The following BUB1B variants were observed in gnomAD, a reference collection of about 807,000 sequenced individuals.
BUB1B encodes mitotic checkpoint serine/threonine-protein kinase BUB1 beta.
A neutral mutation model predicts 137.7 loss-of-function variants in BUB1B; 86 were observed. The ratio of observed to expected loss-of-function variants is 0.62; its 90% CI spans 0.52 to 0.75. The LOEUF is 0.75. Ranked by LOEUF, BUB1B falls within the 30% of genes least tolerant of loss-of-function variation. BUB1B has a pLI of 0.00. For synonymous variants in BUB1B, 420 were observed against 417.9 expected (o/e 1.00, Z -0.06); for missense variants, 1,130 against 1,236.9 (o/e 0.91, Z 1.30).
intron 20 of BUB1B, among the ~76,000 whole-genome samples, 192 bp downstream of exon 20, chr15:40,213,666 G>A (rs1241431023): frequency 3.9e-5 from 6 of 152,006 alleles, no homozygotes; most frequent in Admixed American, 3.9e-4. Context: ...CTTGCTAGTA[G>A]CTGGGACCAC....
chr15:40,180,608 G>A (rs938247509), intron 5 of BUB1B, among the ~76,000 whole-genome samples: 2 of 135,540 alleles, frequency 1.5e-5, no homozygotes, highest in Non-Finnish European at 3.2e-5. Flanking sequence ...TTATCCCACT[G>A]TCTTCTGGCC....
intron 16 of BUB1B, among the ~76,000 whole-genome samples, chr15:40,209,381 G>A (rs2140906019): frequency 6.6e-6 from 1 of 152,322 alleles, no homozygotes; most frequent in Non-Finnish European, 1.5e-5. Context: ...CCGAGATGGC[G>A]CCACTGCACT....
At position 40,209,718 on chromosome 15, in the gene BUB1B, T is replaced by C. The variant is rs1566827547; in HGVS notation, c.2227T>C (p.Leu743=). The stretch of plus-strand genomic sequence containing the variant: ...ACCAGAGTTAAGTGCCTCTGCAGAG[T>C]TGTGTATAGAAGACAGACCAATGCC... ...SLPELSASAE[L]CIEDRPMPKL... Residue 743 remains leucine, a synonymous_variant, in exon 17 of 23, where the codon TTG becomes CTG. Coordinates refer to ENST00000287598, the MANE Select transcript of BUB1B (RefSeq NM_001211.6). 3 of 1,614,008 alleles carry C rather than the reference T, an allele frequency of 1.9e-6. No homozygotes were observed. The highest frequency in any genetic ancestry group is 1.7e-6 in the Non-Finnish European group (2 of 1,179,986).
At chr15:40,185,515 A>T in intron 7 of BUB1B, 36 bp from the exon 8 acceptor site, 2 of 1,606,666 alleles carry the variant, frequency 1.2e-6, no homozygotes, top group Non-Finnish European at 1.7e-6. Context: ...GAGAACATAA[A>T]ACTATGGTAA....
At chr15:40,174,768 A>T (rs1189930707) in intron 4 of BUB1B, among the ~76,000 whole-genome samples, 1 of 152,338 alleles carries the variant, frequency 6.6e-6, no homozygotes, top group Non-Finnish European at 1.5e-5. Context: ...GATGGAGACC[A>T]TCCTGGCCAA....
intron 1 of BUB1B, among the ~76,000 whole-genome samples, chr15:40,162,411 CTT>C (rs1321938161): frequency 2.0e-5 from 3 of 152,280 alleles, no homozygotes; most frequent in African/African-American, 7.2e-5. Context: ...CATAATCTGA[CTT>C]GGGTTTAAAT....
At position 40,192,629 on chromosome 15, in the gene BUB1B, C is replaced by T. The variant is rs189033903; in HGVS notation, c.1059-3916C>T. The stretch of plus-strand genomic sequence containing the variant: ...TATAGTTCTGCCCTTTCCAGAAAAT[C>T]ATGTAGCTGGAATCATAGTATATGT... On this transcript the variant is annotated intron_variant, in intron 8 of 22. Transcript: ENST00000287598. Among the ~76,000 whole-genome samples the T allele has an allele frequency of 5.3e-5, 8 of 152,270 alleles. No homozygotes were observed. The East Asian group carries it at 1.2e-3, about 22-fold the overall frequency.
At chr15:40,216,297 G>T (rs571679604) in intron 20 of BUB1B, among the ~76,000 whole-genome samples, 16 of 151,954 alleles carry the variant, frequency 1.1e-4, no homozygotes, top group African/African-American at 3.9e-4. Context: ...AATTAGCCAG[G>T]CATGGTGGCA....
At chr15:40,202,140 C>G (rs976797108) in intron 12 of BUB1B, among the ~76,000 whole-genome samples, 2 of 152,036 alleles carry the variant, frequency 1.3e-5, no homozygotes, top group Admixed American at 6.6e-5. Flanking sequence ...AATGACATGT[C>G]TGGAATTTGC....
chr15:40,194,043 C>T (rs1176965702), intron 8 of BUB1B, among the ~76,000 whole-genome samples: 4 of 152,120 alleles, frequency 2.6e-5, no homozygotes, highest in Non-Finnish European at 5.9e-5. Context: ...CTCTCACTTC[C>T]TTATTTTAAA....
At chr15:40,185,684 G>C in intron 8 of BUB1B, 42 bp downstream of exon 8, 5 of 1,572,174 alleles carry the variant, frequency 3.2e-6, no homozygotes, top group Non-Finnish European at 4.4e-6. Flanking sequence ...GAATTATTAA[G>C]GGTGGGCAGA....
At chr15:40,199,813 C>A in intron 10 of BUB1B, 86 bp downstream of exon 10, 2 of 1,056,954 alleles carry the variant, frequency 1.9e-6, no homozygotes, top group Non-Finnish European at 2.9e-6. Flanking sequence ...AAAGTCCTCC[C>A]AACCCCCATT....
intron 8 of BUB1B, among the ~76,000 whole-genome samples, chr15:40,187,362 A>T (rs1258278611): frequency 6.6e-6 from 1 of 151,792 alleles, no homozygotes; most frequent in South Asian, 2.1e-4. Flanking sequence ...TCCTGACCTC[A>T]TGATCCGCCC....
intron 15 of BUB1B, among the ~76,000 whole-genome samples, 165 bp downstream of exon 15, chr15:40,206,623 T>C (rs188798246): frequency 3.7e-4 from 56 of 152,268 alleles, no homozygotes; most frequent in Admixed American, 2.1e-3. Context: ...GTCAATGGGA[T>C]TTAGTGATTG....
At chr15:40,170,311 T>C (rs2037147173) in intron 3 of BUB1B, 190 bp downstream of exon 3, 1 of 756,776 alleles carries the variant, frequency 1.3e-6, no homozygotes, top group East Asian at 2.7e-5. Context: ...AAGTTTATGA[T>C]GTACAACTTT....
chr15:40,196,561 G>T lies in BUB1B; in HGVS notation c.1075G>T (p.Glu359Ter). ...CTTCTTTAGGACACCATGTAAAATTGAACCTAGTATAAACCACATCCTAAG... is the reference window on the plus strand; with the variant it reads ...CTTCTTTAGGACACCATGTAAAATTTAACCTAGTATAAACCACATCCTAAG... ...RQPVMTPCKI[E>*]PSINHILSTR... The change falls in exon 9 of 23, where the codon GAA (glutamate) becomes TAA (stop). Residue 359 changes from glutamate to a stop codon, truncating the protein, a stop_gained. Transcript: ENST00000287598. LOFTEE classifies it high-confidence loss of function. 6.2e-7 allele frequency: 1 copy of T among 1,613,596 alleles called. No homozygotes were observed. Among genetic ancestry groups the T allele is most frequent in the South Asian group, 1.1e-5 (1 of 90,996 alleles).
chr15:40,213,316 G>A lies in BUB1B; in HGVS notation c.2536-16G>A. 6.2e-7 allele frequency: 1 copy of A among 1,613,122 alleles called. No individual in the cohort carries two copies. The highest frequency in any genetic ancestry group is 8.5e-7 in the Non-Finnish European group (1 of 1,179,700). Reference sequence around the variant, plus strand: ...AAACTTGAGAAATAGTGAGTTTTCTGTCCTTCAATTTCCAGGATCTTCTCC... The same window carrying A: ...AAACTTGAGAAATAGTGAGTTTTCTATCCTTCAATTTCCAGGATCTTCTCC... On this transcript the variant is annotated splice_polypyrimidine_tract_variant and intron_variant, in intron 19 of 22. Coordinates refer to ENST00000287598, the MANE Select transcript of BUB1B (RefSeq NM_001211.6).
At chr15:40,209,083 T>C (rs543384400) in intron 16 of BUB1B, among the ~76,000 whole-genome samples, 38 of 152,210 alleles carry the variant, frequency 2.5e-4, no homozygotes, top group African/African-American at 8.7e-4. Flanking sequence ...CCTGGGATTA[T>C]AGGTGTGAGC....
At chr15:40,217,833 C>T (rs565432011) in intron 21 of BUB1B, among the ~76,000 whole-genome samples, 166 bp downstream of exon 21, 1 of 152,334 alleles carries the variant, frequency 6.6e-6, no homozygotes, top group Admixed American at 6.5e-5. Flanking sequence ...TGTGTTACAG[C>T]ATTGAAGAAT....
Sources: gnomAD v4.1 joint callset for allele counts (sites outside exome capture counted in the v4.1 genomes callset) on GRCh38, gnomAD v4.1.1 for gene constraint, MANE v1.5 for transcripts, NCBI Gene and HGNC (gene_info 2026-07-23, HGNC 2026-07-21) for gene names.